HIRA: variants seen among roughly 807,000 people sequenced by gnomAD.
HIRA encodes histone cell cycle regulator, also known as protein HIRA.
In HIRA, 13 loss-of-function variants were observed where a neutral mutation model predicts 126.6. That is an observed-to-expected ratio of 0.10 (90% CI 0.07 to 0.16). The LOEUF is 0.16. Ranked by LOEUF, HIRA falls within the 10% of genes least tolerant of loss-of-function variation. The probability of loss-of-function intolerance (pLI) is 1.00; values close to 1 mark genes in which losing one functional copy is unlikely to be tolerated. For missense variants in HIRA, 834 were observed against 1,314.4 expected, an observed-to-expected ratio of 0.63 and a Z score of 5.65; for synonymous variants, 511 against 520.0, an observed-to-expected ratio of 0.98 and a Z score of 0.24.
At chr22:19,399,251 A>G (rs576640604) in intron 5 of HIRA, 1 of 598,830 alleles carries the variant, frequency 1.7e-6, no homozygotes, top group African/African-American at 2.0e-5. Context: ...GCAAGGTAAT[A>G]GCTATCAAGT....
intron 15 of HIRA, among the ~76,000 whole-genome samples, chr22:19,369,099 G>A (rs2088940632): frequency 6.6e-6 from 1 of 152,102 alleles, no homozygotes; most frequent in Non-Finnish European, 1.5e-5. Flanking sequence ...AGCTGGCCAG[G>A]GCTGCCCCCC....
chr22:19,387,671 G>T, intron 11 of HIRA, 40 bp downstream of exon 11: 1 of 1,488,942 alleles, frequency 6.7e-7, no homozygotes, highest in Non-Finnish European at 9.4e-7. Context: ...TTGTGGCAAT[G>T]GCCACAGAGC....
chr22:19,420,074 G>C (rs1473108), intron 1 of HIRA, among the ~76,000 whole-genome samples: 1 of 151,440 alleles, frequency 6.6e-6, no homozygotes, highest in East Asian at 1.9e-4. Flanking sequence ...GTGTGTGCAC[G>C]CGCCACAAAC....
intron 24 of HIRA, among the ~76,000 whole-genome samples, chr22:19,335,360 T>C (rs1350262585): frequency 2.0e-5 from 3 of 152,128 alleles, no homozygotes; most frequent in Non-Finnish European, 4.4e-5. Context: ...TTCTTGTGTC[T>C]TCGCCTCCTG....
Position 19,397,736 on chromosome 22 carries a change from A to G in HIRA, c.493+256T>C, listed in dbSNP as rs1047902741. On this transcript the variant is annotated intron_variant, in intron 6 of 24. Coordinates refer to ENST00000263208, the MANE Select transcript of HIRA (RefSeq NM_003325.4). ...AGGTTTAGGAGCATCAGGGTCCCCA[A>G]CAACAGCTGCCCATCCATTACCCTC... 3.0e-4 allele frequency among the ~76,000 whole-genome samples: 45 copies of G among 152,176 alleles called. 1 individual carries two copies. The highest frequency in any genetic ancestry group is 5.9e-5 in the Non-Finnish European group (4 of 68,042).
At chr22:19,377,717 G>A in intron 14 of HIRA, 152 bp downstream of exon 14, 1 of 667,014 alleles carries the variant, frequency 1.5e-6, no homozygotes, top group Non-Finnish European at 2.5e-6. Flanking sequence ...CCTCCCCTCT[G>A]AGAAGTCCCC....
At chr22:19,408,635 G>A (rs774323850) in intron 2 of HIRA, 42 bp from the exon 3 acceptor site, 44 of 1,093,732 alleles carry the variant, frequency 4.0e-5, no homozygotes, top group Non-Finnish European at 5.5e-5. Context: ...GCAAGGAGTA[G>A]AAATTTGATA....
At chr22:19,429,353 G>A (rs2089513499) in intron 1 of HIRA, among the ~76,000 whole-genome samples, 1 of 151,976 alleles carries the variant, frequency 6.6e-6, no homozygotes, top group African/African-American at 2.4e-5. Context: ...GGCCAGGATG[G>A]TCTCGATCTC....
At position 19,361,292 on chromosome 22, in the gene HIRA, G is replaced by A. The variant is rs114380725; in HGVS notation, c.2030C>T (p.Pro677Leu). The A allele has an allele frequency of 1.2e-6, 2 of 1,614,124 alleles. No individual in the cohort carries two copies. Among genetic ancestry groups the A allele is most frequent in the Admixed American group, 1.7e-5 (1 of 60,012 alleles). Reference sequence around the variant, plus strand: ...AATTGGCAGCTTCAGTGCAAGTGCTGGTGCAGACAGACACATGGCCTCCTT... The same window carrying A: ...AATTGGCAGCTTCAGTGCAAGTGCTAGTGCAGACAGACACATGGCCTCCTT... ...AEKEAMCLSAPALALKLPIPS... is the reference protein window; with the variant it reads ...AEKEAMCLSALALALKLPIPS... Residue 677 changes from proline (P) to leucine (L), a missense_variant, in exon 17 of 25, where the codon CCA (proline) becomes CTA (leucine). Physicochemically the swap from Pro to Leu is moderately conservative, Grantham distance 98. Around this residue, in one of 5 missense-constraint regions of HIRA, gnomAD observed 468 missense variants for 574.2 expected, o/e 0.82. Transcript: ENST00000263208.
intron 15 of HIRA, among the ~76,000 whole-genome samples, chr22:19,373,374 C>T (rs2088985835): frequency 6.6e-6 from 1 of 152,132 alleles, no homozygotes. Flanking sequence ...TTATAGAAAC[C>T]TAAGTCTCCC....
chr22:19,334,674 G>A (rs1556005504), intron 24 of HIRA, among the ~76,000 whole-genome samples: 1 of 151,824 alleles, frequency 6.6e-6, no homozygotes, highest in Non-Finnish European at 1.5e-5. Flanking sequence ...CACCTGCCTT[G>A]GCCTCCCAAA....
At chr22:19,370,145 G>A (rs1269914580) in intron 15 of HIRA, among the ~76,000 whole-genome samples, 2 of 152,048 alleles carry the variant, frequency 1.3e-5, no homozygotes, top group Admixed American at 1.3e-4. Context: ...TAGAGACGGG[G>A]TTTCACCATG....
chr22:19,374,188 G>T (rs1016890786), intron 15 of HIRA, among the ~76,000 whole-genome samples: 4 of 151,736 alleles, frequency 2.6e-5, no homozygotes, highest in Non-Finnish European at 4.4e-5. Flanking sequence ...CCAAAAATTA[G>T]CCAGGTGTTG....
At position 19,361,767 on chromosome 22, in the gene HIRA, C is replaced by T; in HGVS notation, c.1940G>A (p.Arg647Gln). The T allele has an allele frequency of 1.9e-6, 3 of 1,613,070 alleles. No individual in the cohort carries two copies. The highest frequency in any genetic ancestry group is 2.2e-5 in the East Asian group (1 of 44,884). The change falls in exon 16 of 25, where the codon CGG (arginine) becomes CAG (glutamine). Residue 647 changes from arginine to glutamine, a missense_variant. This residue lies in a region of HIRA where 468 missense variants were observed against 574.2 expected (regional missense o/e 0.82). Coordinates refer to ENST00000263208, the MANE Select transcript of HIRA (RefSeq NM_003325.4). ...TVEKKKKGRPRKDSRLMPVSL... is the reference protein window; with the variant it reads ...TVEKKKKGRPQKDSRLMPVSL... ...CACAGGCATGAGACGAGAGTCCTTC[C>T]GAGGCCGCCCTTTCTTCTTCTTCTC... is the stretch of plus-strand genomic sequence containing the variant.
chr22:19,398,649 A>C (rs1343747286), intron 5 of HIRA, among the ~76,000 whole-genome samples: 1 of 151,842 alleles, frequency 6.6e-6, no homozygotes, highest in Non-Finnish European at 1.5e-5. Flanking sequence ...CTTCTTTGTG[A>C]CTCCATTTTA....
chr22:19,352,447 T>C (rs1040437939), intron 23 of HIRA, among the ~76,000 whole-genome samples: 11 of 152,116 alleles, frequency 7.2e-5, no homozygotes, highest in South Asian at 2.1e-4. Flanking sequence ...GGCAACCACA[T>C]AGACCTGGTG....
chr22:19,416,684 C>CAA (rs2089401744), intron 1 of HIRA, among the ~76,000 whole-genome samples: 1 of 151,880 alleles, frequency 6.6e-6, no homozygotes, highest in South Asian at 2.1e-4. Context: ...AAGGCACAGA[C>CAA]AATAAAAGAA....
intron 24 of HIRA, among the ~76,000 whole-genome samples, chr22:19,342,404 G>A (rs1230029597): frequency 2.0e-5 from 3 of 152,138 alleles, no homozygotes; most frequent in African/African-American, 4.8e-5. Context: ...GACTCGTTCT[G>A]GAGATGGAGT....
intron 1 of HIRA, among the ~76,000 whole-genome samples, chr22:19,423,513 AC>A (rs2089465354): frequency 9.0e-6 from 1 of 111,066 alleles, no homozygotes; most frequent in Non-Finnish European, 2.0e-5. Context: ...ACACACACAC[AC>A]ACACACACAC....
Sources: gnomAD v4.1 joint callset for allele counts (sites outside exome capture counted in the v4.1 genomes callset) on GRCh38, gnomAD v4.1.1 for gene constraint, gnomAD v4.1.1 regional missense constraint, MANE v1.5 for transcripts, NCBI Gene and HGNC (gene_info 2026-07-23, HGNC 2026-07-21) for gene names.